Variants in ETV5 observed in about 807,000 individuals in gnomAD.
The protein encoded by ETV5 is ETS variant transcription factor 5.
In ETV5, 10 loss-of-function variants were observed where a neutral mutation model predicts 70.0. That is an observed-to-expected ratio of 0.14 (90% CI 0.09 to 0.24). The LOEUF (loss-of-function observed/expected upper bound fraction) is 0.24, where lower values mean the gene tolerates loss of function less well. ETV5 is among the 10% of genes least tolerant of loss of function. ETV5 has a pLI of 1.00. For missense variants in ETV5, 453 were observed against 651.2 expected, an observed-to-expected ratio of 0.70 and a Z score of 3.31; for synonymous variants, 216 against 242.2, an observed-to-expected ratio of 0.89 and a Z score of 1.01.
chr3:186,063,143 G>C (rs1161393930), intron 9 of ETV5, among the ~76,000 whole-genome samples: 1 of 152,040 alleles, frequency 6.6e-6, no homozygotes, highest in Non-Finnish European at 1.5e-5. Context: ...GGTGGCGGGC[G>C]CCTGTAGTCC....
At chr3:186,096,439 T>C (rs1714305065) in intron 5 of ETV5, among the ~76,000 whole-genome samples, 1 of 152,134 alleles carries the variant, frequency 6.6e-6, no homozygotes. Flanking sequence ...CAGCTGAAAG[T>C]GTTTATGTAA....
rs765340961 is a variant in ETV5 at position 186,105,764 on chromosome 3, A to T, written c.46-52T>A. ...GCTCAAGTGTAGTAAAGAGGTCCAC[A>T]GGGGGAAGACTCATATTGGAGAGGG... On this transcript the variant is annotated intron_variant, in intron 2 of 12. Coordinates refer to ENST00000306376, the MANE Select transcript of ETV5 (RefSeq NM_004454.3). This position sits in a 1 kb window ranked among gnomAD's most constrained non-coding sequence, Gnocchi z 4.5. 2.0e-5 allele frequency: 33 copies of T among 1,611,408 alleles called. No individual in the cohort carries two copies. Among genetic ancestry groups the T allele is most frequent in the Non-Finnish European group, 2.6e-5 (31 of 1,177,582 alleles).
At chr3:186,085,652 G>A (rs959225073) in intron 5 of ETV5, among the ~76,000 whole-genome samples, 3 of 151,894 alleles carry the variant, frequency 2.0e-5, no homozygotes, top group African/African-American at 7.3e-5. Context: ...GGGATTACAG[G>A]CATGCACCAC....
intron 9 of ETV5, among the ~76,000 whole-genome samples, chr3:186,060,251 G>T (rs966887188): frequency 3.9e-5 from 6 of 152,196 alleles, no homozygotes; most frequent in South Asian, 2.1e-4. Context: ...ACATCTAGAA[G>T]AAATTCTCAG....
In ETV5 at chr3:186,078,170, T is replaced by C. The variant is rs1020583251; in HGVS notation, c.650+1647A>G. Reference sequence around the variant, plus strand: ...TTCTCCAGGAGAACTAGGATATTTGTCTCCCAACTCAGTTAACTGTTAATA... The same window carrying C: ...TTCTCCAGGAGAACTAGGATATTTGCCTCCCAACTCAGTTAACTGTTAATA... On this transcript the variant is annotated intron_variant, in intron 7 of 12. Transcript: ENST00000306376. 4 of 1,051,412 alleles carry C rather than the reference T, an allele frequency of 3.8e-6. No individual in the cohort carries two copies. The East Asian group carries it at 1.6e-4, about 43-fold the overall frequency. 65.1% of individuals were successfully genotyped at this position (1,051,412 alleles called of 1,614,324 possible).
chr3:186,079,801 C>T lies in ETV5; in HGVS notation c.650+16G>A. 1 of 1,590,322 alleles carries T rather than the reference C, an allele frequency of 6.3e-7. No homozygotes were observed. The highest frequency in any genetic ancestry group is 8.5e-7 in the Non-Finnish European group (1 of 1,171,482). ...TGAGGGAGACAATTAAGGAAGAAGC[C>T]CAGATCAACACCCACCTCTGTTCTG... is the stretch of plus-strand genomic sequence containing the variant. On this transcript the variant is annotated intron_variant, in intron 7 of 12. Transcript: ENST00000306376.
intron 1 of ETV5, among the ~76,000 whole-genome samples, chr3:186,106,709 T>G (rs1188117658): frequency 6.6e-6 from 1 of 152,170 alleles, no homozygotes; most frequent in Non-Finnish European, 1.5e-5. Flanking sequence ...CTGTTTCATA[T>G]AGCGGAATCA....
Position 186,057,297 on chromosome 3 carries a change from T to G in ETV5, c.1040-53A>C. ...ATAGCTTAGTCCTAAGTTTCTCAGG[T>G]GGTTGGGACAAAAAGGAGTTGTTCA... On this transcript the variant is annotated intron_variant, in intron 10 of 12. Transcript: ENST00000306376. This position sits in a 1 kb window ranked among gnomAD's most constrained non-coding sequence, Gnocchi z 4.9. The G allele has an allele frequency of 6.2e-7, 1 of 1,609,384 alleles. No individual in the cohort carries two copies. Among genetic ancestry groups the G allele is most frequent in the Non-Finnish European group, 8.5e-7 (1 of 1,176,698 alleles).
chr3:186,068,351 A>G (rs1287563377), intron 7 of ETV5, among the ~76,000 whole-genome samples: 1 of 152,238 alleles, frequency 6.6e-6, no homozygotes, highest in Non-Finnish European at 1.5e-5. Flanking sequence ...TAAAAGTAGT[A>G]GTATGGTGTC....
intron 8 of ETV5, among the ~76,000 whole-genome samples, chr3:186,065,608 A>G (rs2150144669): frequency 6.6e-6 from 1 of 152,252 alleles, no homozygotes; most frequent in African/African-American, 2.4e-5. Context: ...CCACTTACAT[A>G]GCTTTTCTGT....
At position 186,046,697 on chromosome 3, in the gene ETV5, A is replaced by T; in HGVS notation, c.*1942T>A. The stretch of plus-strand genomic sequence containing the variant: ...AAGAAAAAAAAAAAAAATCCAAACC[A>T]GGGTAAGTAAAGAAAGGAAAACCAA... On this transcript the variant is annotated 3_prime_UTR_variant, in exon 13 of 13. Transcript: ENST00000306376. 4.3e-6 allele frequency: 1 copy of T among 231,578 alleles called. No individual in the cohort carries two copies. The allele number at this position is 231,578 out of a possible 1,614,324, so 14.3% of individuals were successfully genotyped here. A position where few individuals can be genotyped will look rare whatever the true frequency, so the allele number is the denominator to read the frequency against.
At chr3:186,100,150 A>C (rs1282633320) in intron 5 of ETV5, among the ~76,000 whole-genome samples, 2 of 152,186 alleles carry the variant, frequency 1.3e-5, no homozygotes, top group Non-Finnish European at 2.9e-5. Context: ...CTAACTAACA[A>C]ACACTTTGAA....
In ETV5 at chr3:186,048,771, CAGG is replaced by C; in HGVS notation, c.1398_1400del (p.Phe466del). ...TGAGGTGGCACTCGGACTCTGCCTT[CAGG>C]AACGGACGCTGGTTATCCGGGAAAG... On this transcript the variant is annotated inframe_deletion, in exon 13 of 13. Coordinates refer to ENST00000306376, the MANE Select transcript of ETV5 (RefSeq NM_004454.3). 3.1e-6 allele frequency: 5 copies of C among 1,614,114 alleles called. No homozygotes were observed. Among genetic ancestry groups the C allele is most frequent in the East Asian group, 2.2e-5 (1 of 44,870 alleles).
intron 7 of ETV5, among the ~76,000 whole-genome samples, 190 bp from the exon 8 acceptor site, chr3:186,066,262 C>CAAAAAAAAAAAAAAAAAAAAA (rs10681607): frequency 3.2e-5 from 3 of 94,892 alleles, no homozygotes; most frequent in African/African-American, 4.1e-5. Flanking sequence ...CAGGAAGTGG[C>CAAAAAAAAAAAAAAAAAAAAA]AAAAAAAAAA....
rs1283868612 is a variant in ETV5 at position 186,048,231 on chromosome 3, A to G, written c.*408T>C. 4.0e-6 allele frequency: 1 copy of G among 250,112 alleles called. No individual in the cohort carries two copies. The highest frequency in any genetic ancestry group is 7.8e-6 in the Non-Finnish European group (1 of 128,196). 15.5% of individuals were successfully genotyped at this position (250,112 alleles called of 1,614,324 possible). A position where few individuals can be genotyped will look rare whatever the true frequency, so the allele number is the denominator to read the frequency against. On this transcript the variant is annotated 3_prime_UTR_variant, in exon 13 of 13. Transcript: ENST00000306376. ...TTCTATGGGTTTGTGATTTTTCAACAAATTGTGCAAATCAGAGCCCTTCTA... is the reference window on the plus strand; with the variant it reads ...TTCTATGGGTTTGTGATTTTTCAACGAATTGTGCAAATCAGAGCCCTTCTA...
At chr3:186,080,960 G>A in intron 6 of ETV5, 86 bp downstream of exon 6, 1 of 1,482,100 alleles carries the variant, frequency 6.7e-7, no homozygotes, top group Admixed American at 2.1e-5. Context: ...TGCTGGGTAA[G>A]TAACACTGGG....
chr3:186,074,814 T>C (rs958345992), intron 7 of ETV5, among the ~76,000 whole-genome samples: 2 of 130,818 alleles, frequency 1.5e-5, no homozygotes, highest in African/African-American at 6.0e-5. Context: ...TGCACCCAGA[T>C]GGCGCCACTG....
chr3:186,077,718 A>T (rs896428716), intron 7 of ETV5, among the ~76,000 whole-genome samples: 1 of 152,162 alleles, frequency 6.6e-6, no homozygotes, highest in Non-Finnish European at 1.5e-5. Flanking sequence ...TCCCCGCTCC[A>T]CACTCCCATG....
intron 7 of ETV5, among the ~76,000 whole-genome samples, chr3:186,076,863 T>A (rs1182128525): frequency 6.6e-6 from 1 of 152,198 alleles, no homozygotes; most frequent in Non-Finnish European, 1.5e-5. Context: ...ATTTTGTAGT[T>A]GAAGAGATAG....
Sources: gnomAD v4.1 joint callset for allele counts (sites outside exome capture counted in the v4.1 genomes callset) on GRCh38, gnomAD v4.1.1 for gene constraint, Gnocchi (gnomAD v3.1) non-coding constraint, MANE v1.5 for transcripts, NCBI Gene and HGNC (gene_info 2026-07-23, HGNC 2026-07-21) for gene names.